PLP1: variants seen among roughly 807,000 people sequenced by gnomAD.
The protein encoded by PLP1 is proteolipid protein 1, also known as myelin proteolipid protein.
PLP1 carries 2 observed loss-of-function variants against 18.5 expected under a neutral mutation model. That is an observed-to-expected ratio of 0.11 (90% CI 0.04 to 0.34). The LOEUF is 0.34. Among genes scored for constraint, PLP1 ranks in the 10% least tolerant of loss-of-function variants. The pLI is 1.00. For missense variants in PLP1, 105 were observed against 207.3 expected (o/e 0.51, Z 3.03); for synonymous variants, 86 against 83.2 (o/e 1.03, Z -0.19).
At chrX:103,785,136 C>T (rs922406185) in intron 1 of PLP1, among the ~76,000 whole-genome samples, 21 of 110,258 alleles carry the variant, frequency 1.9e-4, no homozygotes, top group East Asian at 2.8e-4. Flanking sequence ...AGTACAATGG[C>T]GCAATCTTGG....
intron 1 of PLP1, chrX:103,780,963 G>A (rs1350383937): frequency 6.8e-6 from 1 of 146,500 alleles, no homozygotes; most frequent in Admixed American, 7.3e-5. Flanking sequence ...GTGCAGATTC[G>A]AGACCTAGGG....
chrX:103,789,274 C>A, intron 5 of PLP1, 59 bp from the exon 6 acceptor site: 1 of 809,629 alleles, frequency 1.2e-6, no homozygotes, highest in Non-Finnish European at 1.9e-6. Flanking sequence ...TCATGATTTA[C>A]AGTGGAGCAT....
At chrX:103,783,232 G>A (rs992933051) in intron 1 of PLP1, among the ~76,000 whole-genome samples, 2 of 112,224 alleles carry the variant, frequency 1.8e-5, no homozygotes, top group African/African-American at 6.5e-5. Flanking sequence ...ATGCATGCAT[G>A]TGCGTGTGCA....
rs1171037568 is a variant in PLP1, at chrX:103,777,157, C to T, written c.4+158C>T. 5.4e-5 allele frequency among the ~76,000 whole-genome samples: 6 copies of T among 112,130 alleles called. No homozygotes were observed. The East Asian group carries it at 1.7e-3, about 31-fold the overall frequency. On this transcript the variant is annotated intron_variant, in intron 1 of 6. Transcript: ENST00000621218. ...CCTTAACATTCAGTTAGATTAACTC[C>T]TTCTCCGCTGTACTAAGCATGATGC...
At chrX:103,788,764 G>T in intron 5 of PLP1, 2 of 391,393 alleles carry the variant, frequency 5.1e-6, no homozygotes, top group Non-Finnish European at 8.9e-6. Context: ...TGTAGCTTTA[G>T]GTAAAGATAG....
chrX:103,779,410 A>G (rs2074434674), intron 1 of PLP1, among the ~76,000 whole-genome samples: 1 of 111,955 alleles, frequency 8.9e-6, no homozygotes, highest in Non-Finnish European at 1.9e-5. Context: ...GTCCAGTTTT[A>G]TAAAATGCCC....
chrX:103,785,028 A>T (rs2074482835), intron 1 of PLP1, among the ~76,000 whole-genome samples: 1 of 111,727 alleles, frequency 9.0e-6, no homozygotes, highest in African/African-American at 3.2e-5. Context: ...TATTTATTAA[A>T]TATTTTTTAA....
Position 103,787,778 on chromosome X carries a change from C to A in PLP1, c.454-20C>A, listed in dbSNP as rs1328774826. Reference sequence around the variant, plus strand: ...GCAGGCTGATGCTGATTTCTAACCACCCCATGTCAATCATTTTAGTTTGTG... The same window carrying A: ...GCAGGCTGATGCTGATTTCTAACCAACCCATGTCAATCATTTTAGTTTGTG... On this transcript the variant is annotated intron_variant, in intron 3 of 6. Transcript: ENST00000621218. 2 of 1,197,161 alleles carry A rather than the reference C, an allele frequency of 1.7e-6. 1 individual carries two copies. The highest frequency in any genetic ancestry group is 3.5e-5 in the South Asian group (2 of 56,634).
In PLP1 at chrX:103,792,375, C is replaced by T. The variant is rs1350684242; in HGVS notation, c.*1777C>T. On this transcript the variant is annotated 3_prime_UTR_variant, in exon 7 of 7. Coordinates refer to ENST00000621218, the MANE Select transcript of PLP1 (RefSeq NM_000533.5). ...CAAGATAAAGGACAGTGAAGTAATC[C>T]GTACCTTGTGTTTTGTTTTGATTTA... 3 of 112,193 alleles carry T rather than the reference C, an allele frequency of 2.7e-5. No homozygotes were observed. The highest frequency in any genetic ancestry group is 3.8e-5 in the Non-Finnish European group (2 of 53,146). The allele number at this position is 112,193 out of a possible 1,213,427, so 9.2% of individuals were successfully genotyped here. A position where few individuals can be genotyped will look rare whatever the true frequency, so the allele number is the denominator to read the frequency against.
intron 1 of PLP1, among the ~76,000 whole-genome samples, chrX:103,785,097 CAG>C (rs1340831255): frequency 9.2e-5 from 10 of 108,714 alleles, no homozygotes; most frequent in Non-Finnish European, 1.9e-4. Context: ...TTTCTTGAGA[CAG>C]AGTCTCGCTC....
At position 103,788,370 on chromosome X, in the gene PLP1, G is replaced by A; in HGVS notation, c.623-67G>A. On this transcript the variant is annotated intron_variant, in intron 4 of 6. Transcript: ENST00000621218. ...TTAGAGATGGAAGAAGGGCTCTGGG[G>A]GAAAGTCTCCATGTGGCCCCGTAAC... 9 of 792,467 alleles carry A rather than the reference G, an allele frequency of 1.1e-5. No homozygotes were observed. The South Asian group carries it at 1.8e-4, about 16-fold the overall frequency. The allele number at this position is 792,467 out of a possible 1,213,427, so 65.3% of individuals were successfully genotyped here.
At chrX:103,777,408 T>G (rs767893921) in intron 1 of PLP1, among the ~76,000 whole-genome samples, 17 of 112,001 alleles carry the variant, frequency 1.5e-4, no homozygotes, top group Admixed American at 1.5e-3. Context: ...AAATAACTGC[T>G]TGCTTGATGC....
At chrX:103,784,298 G>A (rs1285909666) in intron 1 of PLP1, among the ~76,000 whole-genome samples, 4 of 111,716 alleles carry the variant, frequency 3.6e-5, no homozygotes, top group African/African-American at 1.3e-4. Context: ...TCTAGTGCCA[G>A]AAAGATGTTT....
At chrX:103,785,953 TCTGC>T in intron 2 of PLP1, 185 bp downstream of exon 2, 4 of 709,555 alleles carry the variant, frequency 5.6e-6, no homozygotes, top group South Asian at 2.8e-5. Flanking sequence ...AAAGGAGGGG[TCTGC>T]CTGCCTGCCT....
chrX:103,784,447 C>T (rs2074478065), intron 1 of PLP1, among the ~76,000 whole-genome samples: 2 of 111,613 alleles, frequency 1.8e-5, no homozygotes, highest in African/African-American at 6.5e-5. Context: ...AATCATTAAG[C>T]CTGCATTTTT....
intron 1 of PLP1, among the ~76,000 whole-genome samples, chrX:103,784,592 G>A (rs983204740): frequency 1.8e-5 from 2 of 111,759 alleles, no homozygotes; most frequent in African/African-American, 3.3e-5. Flanking sequence ...AAATACACAC[G>A]ATGCTCAAAA....
chrX:103,782,476 G>C (rs2074461151), intron 1 of PLP1, among the ~76,000 whole-genome samples: 1 of 112,000 alleles, frequency 8.9e-6, no homozygotes, highest in African/African-American at 3.3e-5. Context: ...TTATCACCCA[G>C]TAAGAACACA....
intron 1 of PLP1, 42 bp from the exon 2 acceptor site, chrX:103,785,540 C>T (rs2074487611): frequency 8.9e-7 from 1 of 1,122,689 alleles, no homozygotes; most frequent in East Asian, 3.0e-5. Context: ...GCATGAGCTA[C>T]CTACTGGATG....
chrX:103,783,450 T>G (rs944653407), intron 1 of PLP1, among the ~76,000 whole-genome samples: 1 of 112,495 alleles, frequency 8.9e-6, no homozygotes, highest in African/African-American at 3.2e-5. Flanking sequence ...TTGTTTGGCT[T>G]GGGCTTCTGA....
Sources: allele counts gnomAD v4.1 joint callset (sites outside exome capture counted in the v4.1 genomes callset), GRCh38; gene constraint gnomAD v4.1.1; transcripts MANE v1.5; gene names NCBI Gene and HGNC (gene_info 2026-07-23, HGNC 2026-07-21).